NRXN3: variants seen among roughly 807,000 people sequenced by gnomAD.
The protein encoded by NRXN3 is neurexin 3, also known as neurexin III.
A neutral mutation model predicts 137.6 loss-of-function variants in NRXN3; 32 were observed. The observed-to-expected ratio is 0.23, with a 90% confidence interval of 0.18 to 0.31. NRXN3 has a LOEUF of 0.31. Among genes scored for constraint, NRXN3 ranks in the 10% least tolerant of loss-of-function variants. The probability of loss-of-function intolerance (pLI) is 1.00; values close to 1 mark genes in which losing one functional copy is unlikely to be tolerated. For missense variants in NRXN3, 1,574 were observed against 2,062.5 expected (o/e 0.76, Z 4.59); for synonymous variants, 798 against 784.5 (o/e 1.02, Z -0.29).
At chr14:79,689,684 C>T (rs1347006405) in intron 17 of NRXN3, among the ~76,000 whole-genome samples, 1 of 152,058 alleles carries the variant, frequency 6.6e-6, no homozygotes, top group Non-Finnish European at 1.5e-5. Context: ...CCATGCTGTC[C>T]TTCCCCATGT....
At chr14:79,512,027 G>A (rs2096937070) in intron 16 of NRXN3, among the ~76,000 whole-genome samples, 1 of 152,184 alleles carries the variant, frequency 6.6e-6, no homozygotes, top group African/African-American at 2.4e-5. Flanking sequence ...AGCCTCCCAA[G>A]TAGCTGGGAT....
intron 1 of NRXN3, among the ~76,000 whole-genome samples, chr14:78,197,057 C>T (rs1197490347): frequency 1.3e-5 from 2 of 152,164 alleles, no homozygotes; most frequent in African/African-American, 4.8e-5. Flanking sequence ...TTTAGGAGAC[C>T]CTCCTGCTCC....
chr14:79,285,429 G>T (rs2082075580), intron 15 of NRXN3, among the ~76,000 whole-genome samples: 1 of 152,154 alleles, frequency 6.6e-6, no homozygotes, highest in Admixed American at 6.5e-5. Flanking sequence ...GTATTAGTTT[G>T]CTAGGGCTGC....
At chr14:78,204,904 T>A (rs906280164) in intron 1 of NRXN3, among the ~76,000 whole-genome samples, 4 of 152,104 alleles carry the variant, frequency 2.6e-5, no homozygotes, top group African/African-American at 9.7e-5. Flanking sequence ...TCACGTTCTT[T>A]GAGGTTTGTG....
chr14:79,266,712 G>A (rs1303612287), intron 15 of NRXN3, among the ~76,000 whole-genome samples: 1 of 152,166 alleles, frequency 6.6e-6, no homozygotes, highest in Non-Finnish European at 1.5e-5. Context: ...CCAAAGGGAA[G>A]GGAGCAACTT....
At chr14:79,713,164 CTTTTTTTTT>C (rs574716352) in intron 19 of NRXN3, among the ~76,000 whole-genome samples, 10 of 80,890 alleles carry the variant, frequency 1.2e-4, no homozygotes, top group East Asian at 8.8e-4. Flanking sequence ...CTGATTTTTA[CTTTTTTTTT>C]TTTTTTTTTT....
chr14:78,399,177 C>T (rs1272596947), intron 4 of NRXN3, among the ~76,000 whole-genome samples: 1 of 152,120 alleles, frequency 6.6e-6, no homozygotes, highest in African/African-American at 2.4e-5. Context: ...TTCTTTAGAT[C>T]TCAAGGTCCT....
intron 16 of NRXN3, chr14:79,661,725 C>T (rs1166122283): frequency 5.9e-5 from 9 of 152,126 alleles, no homozygotes; most frequent in Non-Finnish European, 1.3e-4. Flanking sequence ...ACTTTTCTCA[C>T]ATTCTTCTTT....
intron 19 of NRXN3, among the ~76,000 whole-genome samples, chr14:79,780,617 TAAATA>T (rs1207699360): frequency 6.6e-6 from 1 of 151,962 alleles, no homozygotes; most frequent in African/African-American, 2.4e-5. Context: ...CCTAAATAAA[TAAATA>T]AATAATCTTT....
chr14:79,303,015 C>T (rs2085406100), intron 15 of NRXN3, among the ~76,000 whole-genome samples: 1 of 151,886 alleles, frequency 6.6e-6, no homozygotes, highest in Non-Finnish European at 1.5e-5. Context: ...AGGGGACAAA[C>T]ATCCAAACCG....
Position 79,719,650 on chromosome 14 carries a change from C to G in NRXN3, c.4014+21713C>G, listed in dbSNP as rs1272408730. On this transcript the variant is annotated intron_variant, in intron 19 of 20. Coordinates refer to ENST00000335750, the MANE Select transcript of NRXN3 (RefSeq NM_001330195.2). The stretch of plus-strand genomic sequence containing the variant: ...GAAGTAAATTCCACCCGTGATCCAA[C>G]CCTCCAGAGAAAATCGTGCATAAAA... 2.6e-5 allele frequency among the ~76,000 whole-genome samples: 4 copies of G among 152,022 alleles called. No homozygotes were observed. In the South Asian group the frequency reaches 8.3e-4, roughly 32 times the overall value.
rs1366375667 is a variant in NRXN3 at position 78,235,610 on chromosome 14, G to A, written c.-703-6781G>A. Among the ~76,000 whole-genome samples, 10 of 150,686 alleles carry A rather than the reference G, an allele frequency of 6.6e-5. No homozygotes were observed. In the Middle Eastern group the frequency reaches 0.021, roughly 310 times the overall value. ...TAGTTTTTAGTAAAAAAAAAAAAAA[G>A]TGTTATAGTTAAAGGTTAAAAAAAA... is the stretch of plus-strand genomic sequence containing the variant. On this transcript the variant is annotated intron_variant, in intron 1 of 20. Transcript: ENST00000335750.
intron 8 of NRXN3, among the ~76,000 whole-genome samples, chr14:78,790,469 T>C (rs1343961553): frequency 6.6e-6 from 1 of 152,132 alleles, no homozygotes; most frequent in Non-Finnish European, 1.5e-5. Context: ...CCTGGAACCG[T>C]TGGGTCTGTT....
chr14:79,316,692 T>G (rs2088784784), intron 15 of NRXN3, among the ~76,000 whole-genome samples: 3 of 151,624 alleles, frequency 2.0e-5, no homozygotes, highest in African/African-American at 4.9e-5. Context: ...TCTTGTTCTA[T>G]TACACTGGAC....
intron 14 of NRXN3, among the ~76,000 whole-genome samples, chr14:78,972,634 C>T (rs1372250261): frequency 6.6e-6 from 1 of 152,142 alleles, no homozygotes; most frequent in Non-Finnish European, 1.5e-5. Context: ...GTCTGATGCG[C>T]CCCTGCCCTG....
chr14:79,851,218 G>C (rs892479500), intron 20 of NRXN3, among the ~76,000 whole-genome samples: 3 of 152,070 alleles, frequency 2.0e-5, no homozygotes, highest in Non-Finnish European at 2.9e-5. Context: ...AAAAATTGTA[G>C]AACTTTATTC....
At chr14:79,847,434 C>T (rs545092740) in intron 20 of NRXN3, among the ~76,000 whole-genome samples, 35 of 152,102 alleles carry the variant, frequency 2.3e-4, no homozygotes, top group Non-Finnish European at 3.8e-4. Context: ...GGCAAGAGAA[C>T]AGATCTGGAG....
At chr14:79,595,973 G>A (rs17764137) in intron 16 of NRXN3, among the ~76,000 whole-genome samples, 8,693 of 151,718 alleles carry the variant, frequency 0.057, 254 homozygotes, top group East Asian at 0.082. Flanking sequence ...AAAGACAGCC[G>A]GTTTTCCTGA....
At chr14:78,323,194 A>G (rs763950349) in intron 4 of NRXN3, among the ~76,000 whole-genome samples, 1 of 152,188 alleles carries the variant, frequency 6.6e-6, no homozygotes, top group Middle Eastern at 3.4e-3. Context: ...CAACCTACGA[A>G]CATGATAAAA....
Sources: allele counts gnomAD v4.1 joint callset (sites outside exome capture counted in the v4.1 genomes callset), GRCh38; gene constraint gnomAD v4.1.1; transcripts MANE v1.5; gene names NCBI Gene and HGNC (gene_info 2026-07-23, HGNC 2026-07-21).